Variants in CDH12 observed in about 807,000 individuals in gnomAD.
The protein encoded by CDH12 is cadherin-12.
In CDH12, 41 loss-of-function variants were observed where a neutral mutation model predicts 74.1. The observed-to-expected ratio is 0.55, with a 90% CI of 0.43 to 0.72. The LOEUF (loss-of-function observed/expected upper bound fraction) is 0.72, where lower values mean the gene tolerates loss of function less well. Among genes scored for constraint, CDH12 ranks in the 30% least tolerant of loss-of-function variants. CDH12 has a pLI of 0.00. For synonymous variants in CDH12, 399 were observed against 355.0 expected (o/e 1.12, Z -1.39); for missense variants, 945 against 977.2 (o/e 0.97, Z 0.44).
chr5:22,155,863 A>C (rs531357902), intron 4 of CDH12, among the ~76,000 whole-genome samples: 3 of 152,190 alleles, frequency 2.0e-5, no homozygotes, highest in African/African-American at 4.8e-5. Flanking sequence ...GAAGCAGAAA[A>C]TATGCAACGA....
chr5:22,693,644 A>G (rs1417688071), intron 1 of CDH12, among the ~76,000 whole-genome samples: 1 of 152,166 alleles, frequency 6.6e-6, no homozygotes, highest in East Asian at 1.9e-4. Context: ...TTACAGAGAT[A>G]ATGTATATAC....
intron 4 of CDH12, among the ~76,000 whole-genome samples, chr5:22,116,792 C>T (rs575181575): frequency 2.0e-5 from 3 of 149,322 alleles, no homozygotes. Flanking sequence ...TCACCTGTTA[C>T]AACAACAATA....
At chr5:22,326,789 A>G (rs549796002) in intron 3 of CDH12, among the ~76,000 whole-genome samples, 1 of 152,302 alleles carries the variant, frequency 6.6e-6, no homozygotes, top group Admixed American at 6.5e-5. Flanking sequence ...ACTGATAATG[A>G]TCATATGAAT....
At chr5:22,419,840 A>G (rs1234796977) in intron 2 of CDH12, among the ~76,000 whole-genome samples, 3 of 152,142 alleles carry the variant, frequency 2.0e-5, no homozygotes, top group South Asian at 2.1e-4. Context: ...AGTAATCACC[A>G]TTCTGTCTGG....
At chr5:22,480,320 C>A (rs1746336068) in intron 2 of CDH12, among the ~76,000 whole-genome samples, 1 of 151,646 alleles carries the variant, frequency 6.6e-6, no homozygotes, top group South Asian at 2.1e-4. Flanking sequence ...TGGTGGCTCA[C>A]GCCTGTAATC....
chr5:22,840,974 G>T (rs924052195), intron 1 of CDH12, among the ~76,000 whole-genome samples: 3 of 152,132 alleles, frequency 2.0e-5, no homozygotes, highest in Admixed American at 2.0e-4. Flanking sequence ...ACAAGGGGAA[G>T]GATGCAGGGA....
intron 3 of CDH12, among the ~76,000 whole-genome samples, chr5:22,403,943 T>G (rs1580612207): frequency 6.6e-6 from 1 of 152,130 alleles, no homozygotes; most frequent in East Asian, 1.9e-4. Context: ...GATATAATAT[T>G]TGACTATATT....
rs1198855146 is a variant in CDH12 at position 22,819,885 on chromosome 5, T to A, written c.-523+33173A>T. On this transcript the variant is annotated intron_variant, in intron 1 of 14. Coordinates refer to ENST00000382254, the MANE Select transcript of CDH12 (RefSeq NM_004061.5). ...AGATATTTAAATATATATATTTATA[T>A]CCAGATATAAGATATCTAGATATTT... Among the ~76,000 whole-genome samples the A allele has an allele frequency of 4.7e-5, 7 of 148,874 alleles. No homozygotes were observed. The South Asian group carries it at 1.3e-3, about 27-fold the overall frequency.
intron 1 of CDH12, among the ~76,000 whole-genome samples, chr5:22,825,302 AC>A (rs1736248978): frequency 1.0e-5 from 1 of 100,010 alleles, no homozygotes; most frequent in Admixed American, 1.0e-4. Flanking sequence ...AAAGGAGACA[AC>A]AAATTAGATA....
chr5:22,354,957 C>T (rs1024670925), intron 3 of CDH12, among the ~76,000 whole-genome samples: 5 of 151,998 alleles, frequency 3.3e-5, no homozygotes, highest in African/African-American at 1.2e-4. Flanking sequence ...GAAATTTAAC[C>T]GAATTGACTA....
intron 6 of CDH12, among the ~76,000 whole-genome samples, chr5:21,923,727 T>C (rs1754463487): frequency 6.6e-6 from 1 of 152,178 alleles, no homozygotes; most frequent in Non-Finnish European, 1.5e-5. Flanking sequence ...TTGGGTGTGC[T>C]TCAAAGAGGG....
intron 1 of CDH12, among the ~76,000 whole-genome samples, chr5:22,553,511 C>T (rs141771435): frequency 2.0e-4 from 30 of 151,800 alleles, no homozygotes; most frequent in African/African-American, 6.5e-4. Flanking sequence ...TTAAAGAAAC[C>T]ACATCATTTA....
intron 1 of CDH12, among the ~76,000 whole-genome samples, chr5:22,572,803 T>C (rs183780522): frequency 7.0e-4 from 107 of 152,294 alleles, no homozygotes; most frequent in Middle Eastern, 3.4e-3. Flanking sequence ...CTATTGAGTG[T>C]TCTATTAAAA....
chr5:22,735,597 A>G (rs541808497), intron 1 of CDH12, among the ~76,000 whole-genome samples: 1 of 152,062 alleles, frequency 6.6e-6, no homozygotes, highest in Non-Finnish European at 1.5e-5. Flanking sequence ...ATGTGTGTGC[A>G]CACACACAAA....
chr5:21,811,893 A>G (rs182403571), intron 9 of CDH12, among the ~76,000 whole-genome samples: 2 of 151,002 alleles, frequency 1.3e-5, no homozygotes, highest in Non-Finnish European at 2.9e-5. Context: ...TCACAGTGAA[A>G]TGGCATTCTG....
chr5:21,978,671 T>G (rs1373737335), intron 5 of CDH12, among the ~76,000 whole-genome samples: 2 of 152,194 alleles, frequency 1.3e-5, no homozygotes, highest in African/African-American at 2.4e-5. Context: ...TTTAAATTTC[T>G]GCATATTCAT....
intron 10 of CDH12, among the ~76,000 whole-genome samples, chr5:21,797,999 G>C (rs2149916855): frequency 6.6e-6 from 1 of 152,046 alleles, no homozygotes; most frequent in Non-Finnish European, 1.5e-5. Flanking sequence ...CCTGCAGAGA[G>C]TTTTAATTAA....
At chr5:22,777,040 G>T (rs1175201855) in intron 1 of CDH12, among the ~76,000 whole-genome samples, 1 of 151,938 alleles carries the variant, frequency 6.6e-6, no homozygotes, top group Non-Finnish European at 1.5e-5. Flanking sequence ...CATTTCCAAG[G>T]ATTCTAGTCT....
intron 1 of CDH12, among the ~76,000 whole-genome samples, chr5:22,759,625 G>T (rs533157994): frequency 6.6e-6 from 1 of 152,070 alleles, no homozygotes; most frequent in South Asian, 2.1e-4. Context: ...AAAACTTCTC[G>T]CATTTATTAT....
Sources: gnomAD v4.1 joint callset for allele counts (sites outside exome capture counted in the v4.1 genomes callset) on GRCh38, gnomAD v4.1.1 for gene constraint, MANE v1.5 for transcripts, NCBI Gene and HGNC (gene_info 2026-07-23, HGNC 2026-07-21) for gene names.